The following USP24 variants were observed in gnomAD, a reference collection of about 807,000 sequenced individuals.
USP24 encodes ubiquitin specific peptidase 24.
In USP24, 97 loss-of-function variants were observed where a neutral mutation model predicts 361.6. The ratio of observed to expected loss-of-function variants is 0.27; its 90% CI spans 0.23 to 0.32. The LOEUF (loss-of-function observed/expected upper bound fraction) is 0.32, where lower values mean the gene tolerates loss of function less well. USP24 is among the 10% of genes least tolerant of loss of function. The pLI is 1.00. For synonymous variants in USP24, 1,098 were observed against 1,124.6 expected (o/e 0.98, Z 0.47); for missense variants, 2,353 against 3,165.6 (o/e 0.74, Z 6.16).
At chr1:55,187,896 C>A (rs1644177008) in intron 1 of USP24, among the ~76,000 whole-genome samples, 1 of 152,144 alleles carries the variant, frequency 6.6e-6, no homozygotes, top group Non-Finnish European at 1.5e-5. Context: ...AAAATTCCAG[C>A]TAGTTTCTTT....
chr1:55,181,026 T>C (rs570705853), intron 1 of USP24, among the ~76,000 whole-genome samples: 36 of 152,072 alleles, frequency 2.4e-4, no homozygotes, highest in African/African-American at 8.2e-4. Flanking sequence ...GGACCCCAAA[T>C]TGCCTAATAC....
intron 22 of USP24, 53 bp from the exon 23 acceptor site, chr1:55,142,848 T>A: frequency 2.8e-6 from 4 of 1,439,668 alleles, no homozygotes; most frequent in Non-Finnish European, 3.8e-6. Flanking sequence ...GTTGTAATCA[T>A]TATTCAGGAC....
chr1:55,133,966 T>G (rs749628013), intron 30 of USP24, 104 bp downstream of exon 30: 170 of 1,066,950 alleles, frequency 1.6e-4, no homozygotes, highest in Non-Finnish European at 1.0e-4. Context: ...GAAAAAACAT[T>G]ATGGGAAAGA....
intron 62 of USP24, among the ~76,000 whole-genome samples, chr1:55,076,499 C>A (rs1007329871): frequency 1.3e-5 from 2 of 152,136 alleles, no homozygotes; most frequent in Non-Finnish European, 2.9e-5. Context: ...GGAACCCAGG[C>A]CCTCACTCTC....
At position 55,154,204 on chromosome 1, in the gene USP24, T is replaced by C; in HGVS notation, c.1727A>G (p.His576Arg). ...ATATGCATCACTAAGGATTGTCAGG[T>C]GCTCCTCCAAGGCCTGCTGAATAAG... Reference protein sequence around the residue: ...SSLIQQALEEHLTILSDAYAV... With the variant: ...SSLIQQALEERLTILSDAYAV... Residue 576 changes from histidine (H) to arginine (R), a missense_variant, in exon 15 of 68, where the codon CAC becomes CGC. Around this residue, in one of 8 missense-constraint regions of USP24, gnomAD observed 386 missense variants for 560.5 expected, o/e 0.69. Transcript: ENST00000294383. The C allele has an allele frequency of 6.2e-7, 1 of 1,613,646 alleles. No individual in the cohort carries two copies. Among genetic ancestry groups the C allele is most frequent in the Non-Finnish European group, 8.5e-7 (1 of 1,179,700 alleles).
chr1:55,081,326 A>T lies in USP24; in HGVS notation c.7074T>A (p.Asn2358Lys). ...TCTAAGATATGTTAAGCTTACCAAC[A>T]TTCCTTTGGGATGAGACATCTGAAT... is the stretch of plus-strand genomic sequence containing the variant. ...VLHSDVSSQR[N>K]VAPGIFKQRP... The change falls in exon 59 of 68, where the codon AAT becomes AAA. Residue 2358 changes from asparagine to lysine, a missense_variant. Physicochemically the swap from Asn to Lys is moderately conservative, Grantham distance 94. Transcript: ENST00000294383. 1 of 1,613,444 alleles carries T rather than the reference A, an allele frequency of 6.2e-7. No homozygotes were observed. The highest frequency in any genetic ancestry group is 1.7e-4 in the Middle Eastern group (1 of 6,056).
In USP24 at chr1:55,172,530, C is replaced by T; in HGVS notation, c.559-10G>A. The T allele has an allele frequency of 6.2e-7, 1 of 1,605,530 alleles. No individual in the cohort carries two copies. The highest frequency in any genetic ancestry group is 8.5e-7 in the Non-Finnish European group (1 of 1,176,286). ...CACTTGATGTCAGGAGCTATAAAAA[C>T]ATAAAGGGCAATCTAGAGTCTAACT... On this transcript the variant is annotated splice_polypyrimidine_tract_variant and intron_variant, in intron 3 of 67. Transcript: ENST00000294383.
chr1:55,121,408 T>G (rs1646276856), intron 37 of USP24, 28 bp downstream of exon 37: 1 of 1,602,380 alleles, frequency 6.2e-7, no homozygotes, highest in Admixed American at 1.7e-5. Context: ...ACCAAAGGAG[T>G]TTTGTAAGTA....
chr1:55,151,952 TC>T, intron 16 of USP24: 1 of 985,644 alleles, frequency 1.0e-6, no homozygotes, highest in Non-Finnish European at 1.2e-6. Context: ...GGAGACATAA[TC>T]CCCAGTCAGC....
chr1:55,139,656 A>T (rs1235691813), intron 24 of USP24, among the ~76,000 whole-genome samples: 4 of 152,324 alleles, frequency 2.6e-5, no homozygotes, highest in Non-Finnish European at 5.9e-5. Flanking sequence ...CTTAATTTAA[A>T]CATTTTCTAT....
chr1:55,103,759 G>T, intron 42 of USP24, 117 bp downstream of exon 42: 2 of 1,174,252 alleles, frequency 1.7e-6, no homozygotes, highest in Non-Finnish European at 1.2e-6. Context: ...AACACAGTAA[G>T]CAAAATAGTA....
chr1:55,213,384 A>G (rs1256118643), intron 1 of USP24, among the ~76,000 whole-genome samples: 1 of 152,266 alleles, frequency 6.6e-6, no homozygotes, highest in African/African-American at 2.4e-5. Flanking sequence ...TGTGGAAGCC[A>G]AAGAAATCTT....
rs1643952855 is a variant in USP24 at position 55,181,065 on chromosome 1, G to A, written c.325-2933C>T. ...CACTAGTTTGTATTTTTTTTTTTTG[G>A]AAACCTACATATCCTCACAATTTAC... On this transcript the variant is annotated intron_variant, in intron 1 of 67. Coordinates refer to ENST00000294383, the MANE Select transcript of USP24 (RefSeq NM_015306.3). Among the ~76,000 whole-genome samples the A allele has an allele frequency of 2.0e-5, 3 of 149,732 alleles. No individual in the cohort carries two copies. The South Asian group carries it at 6.3e-4, about 32-fold the overall frequency.
At chr1:55,080,804 T>A (rs1241271634) in intron 59 of USP24, among the ~76,000 whole-genome samples, 1 of 152,238 alleles carries the variant, frequency 6.6e-6, no homozygotes, top group African/African-American at 2.4e-5. Flanking sequence ...GGAGACAAAA[T>A]GGAAAATGCT....
At chr1:55,201,544 T>C (rs937099062) in intron 1 of USP24, among the ~76,000 whole-genome samples, 1 of 120,920 alleles carries the variant, frequency 8.3e-6, no homozygotes, top group East Asian at 2.7e-4. Context: ...GAGGTTGCAA[T>C]GAGCCGAGAT....
chr1:55,180,571 C>T (rs960124023), intron 1 of USP24, among the ~76,000 whole-genome samples: 4 of 152,188 alleles, frequency 2.6e-5, no homozygotes, highest in African/African-American at 9.7e-5. Context: ...GAATCCCATC[C>T]CCACAGAATC....
intron 49 of USP24, 140 bp from the exon 50 acceptor site, chr1:55,096,762 T>C: frequency 7.1e-7 from 1 of 1,401,338 alleles, no homozygotes; most frequent in Non-Finnish European, 9.6e-7. Flanking sequence ...TAGCAACAAT[T>C]ATTTCAATTT....
chr1:55,120,426 G>A (rs1402797972), intron 38 of USP24, among the ~76,000 whole-genome samples, 170 bp downstream of exon 38: 1 of 152,124 alleles, frequency 6.6e-6, no homozygotes, highest in East Asian at 1.9e-4. Flanking sequence ...GCCTGGTAGT[G>A]TTTCTTCTAA....
At chr1:55,146,415 G>A (rs908370436) in intron 19 of USP24, among the ~76,000 whole-genome samples, 4 of 152,110 alleles carry the variant, frequency 2.6e-5, no homozygotes, top group African/African-American at 9.7e-5. Context: ...GAAGCCTTTC[G>A]ACAAGTCTAG....
Sources: allele counts gnomAD v4.1 joint callset (sites outside exome capture counted in the v4.1 genomes callset), GRCh38; gene constraint gnomAD v4.1.1; regional missense constraint gnomAD v4.1.1; transcripts MANE v1.5; gene names NCBI Gene and HGNC (gene_info 2026-07-23, HGNC 2026-07-21).